STXBP5L: variants seen among roughly 807,000 people sequenced by gnomAD.
The protein encoded by STXBP5L is syntaxin-binding protein 5-like.
Under a neutral mutation model 144.5 loss-of-function variants are expected in STXBP5L, and 65 were observed. That is an observed-to-expected ratio of 0.45 (90% CI 0.37 to 0.55). STXBP5L has a LOEUF of 0.55. Ranked by LOEUF, STXBP5L falls within the 20% of genes least tolerant of loss-of-function variation. STXBP5L has a pLI of 0.00. For missense variants in STXBP5L, 1,298 were observed against 1,405.5 expected, an observed-to-expected ratio of 0.92 and a Z score of 1.22; for synonymous variants, 505 against 469.6, an observed-to-expected ratio of 1.08 and a Z score of -0.97.
intron 9 of STXBP5L, among the ~76,000 whole-genome samples, chr3:121,190,486 T>A (rs2047598717): frequency 6.6e-6 from 1 of 152,180 alleles, no homozygotes; most frequent in Non-Finnish European, 1.5e-5. Flanking sequence ...ATCCGATCTC[T>A]CTTTCTTTTC....
At chr3:121,231,005 T>A (rs17249175) in intron 11 of STXBP5L, among the ~76,000 whole-genome samples, 2,586 of 152,262 alleles carry the variant, frequency 0.017, 34 homozygotes, top group Middle Eastern at 0.044. Flanking sequence ...TCATAGAGGA[T>A]CCCCAGTCCC....
At chr3:121,202,728 A>C (rs2048183856) in intron 9 of STXBP5L, among the ~76,000 whole-genome samples, 1 of 152,008 alleles carries the variant, frequency 6.6e-6, no homozygotes, top group Non-Finnish European at 1.5e-5. Flanking sequence ...GTCATATCAC[A>C]TTCCATTGCC....
intron 20 of STXBP5L, among the ~76,000 whole-genome samples, chr3:121,319,345 T>C (rs2043893323): frequency 6.6e-6 from 1 of 152,318 alleles, no homozygotes; most frequent in East Asian, 1.9e-4. Context: ...AAAAGTTTAA[T>C]AATGCCATTA....
At chr3:121,020,434 A>G (rs1253596333) in intron 3 of STXBP5L, among the ~76,000 whole-genome samples, 1 of 152,190 alleles carries the variant, frequency 6.6e-6, no homozygotes, top group East Asian at 1.9e-4. Flanking sequence ...TTTATTGCAA[A>G]AAGATAATCA....
intron 11 of STXBP5L, among the ~76,000 whole-genome samples, chr3:121,229,512 TA>T (rs1340588414): frequency 2.6e-5 from 4 of 152,162 alleles, no homozygotes; most frequent in Non-Finnish European, 5.9e-5. Flanking sequence ...GCCTGTTACA[TA>T]TCATTATTTA....
chr3:121,297,202 ATG>A (rs71133526), intron 19 of STXBP5L, among the ~76,000 whole-genome samples: 6,660 of 148,266 alleles, frequency 0.045, 221 homozygotes, highest in African/African-American at 0.089. Context: ...TCTACATTAT[ATG>A]TGTGTGTGTG....
intron 10 of STXBP5L, among the ~76,000 whole-genome samples, chr3:121,218,103 T>A (rs938679236): frequency 2.1e-5 from 3 of 141,584 alleles, no homozygotes; most frequent in African/African-American, 7.8e-5. Context: ...GTATAATATA[T>A]AATATACTAT....
intron 20 of STXBP5L, among the ~76,000 whole-genome samples, chr3:121,344,435 A>G (rs918603900): frequency 3.2e-4 from 48 of 152,210 alleles, no homozygotes; most frequent in African/African-American, 1.1e-3. Context: ...TAAGTGCAAC[A>G]TTGGTCCCCC....
chr3:120,925,037 C>G (rs574478591), intron 2 of STXBP5L: 1 of 152,130 alleles, frequency 6.6e-6, no homozygotes, highest in Non-Finnish European at 1.5e-5. Flanking sequence ...TGTTGTATTC[C>G]TGTATAGCTT....
chr3:120,951,573 A>G (rs1298384540), intron 2 of STXBP5L, among the ~76,000 whole-genome samples: 1 of 152,216 alleles, frequency 6.6e-6, no homozygotes, highest in African/African-American at 2.4e-5. Context: ...ATCACTGGCC[A>G]TCGGAGAAAT....
At chr3:121,113,262 GT>G (rs933962773) in intron 5 of STXBP5L, among the ~76,000 whole-genome samples, 24 of 152,124 alleles carry the variant, frequency 1.6e-4, no homozygotes, top group African/African-American at 5.3e-4. Flanking sequence ...TGGGATTAGT[GT>G]TTTTTCCACT....
Position 120,974,014 on chromosome 3 carries a change from G to A in STXBP5L, c.287+18977G>A, listed in dbSNP as rs1158847377. On this transcript the variant is annotated intron_variant, in intron 3 of 26. Coordinates refer to ENST00000471454, the MANE Select transcript of STXBP5L (RefSeq NM_001308330.2). ...CCGCAATAAACATACGTGTGCATGT[G>A]TCTTTATAGCAGCATGATTTATAGT... Among the ~76,000 whole-genome samples, 17 of 152,268 alleles carry A rather than the reference G, an allele frequency of 1.1e-4. 1 individual carries two copies. The highest frequency in any genetic ancestry group is 8.5e-4 in the Admixed American group (13 of 15,280).
rs183827142 is a variant in STXBP5L at position 121,328,607 on chromosome 3, G to A, written c.2176+10067G>A. The stretch of plus-strand genomic sequence containing the variant: ...CTACTAAAAATATAAAAACTTAGCC[G>A]GGCATGGTGGCATGCGCCTGTAATC... On this transcript the variant is annotated intron_variant, in intron 20 of 26. Coordinates refer to ENST00000471454, the MANE Select transcript of STXBP5L (RefSeq NM_001308330.2). 4.2e-3 allele frequency among the ~76,000 whole-genome samples: 646 copies of A among 152,100 alleles called. 5 individuals are homozygous for A. The highest frequency in any genetic ancestry group is 0.015 in the African/African-American group (615 of 41,496).
intron 19 of STXBP5L, among the ~76,000 whole-genome samples, chr3:121,312,368 CTTTTTTTT>C (rs71619793): frequency 1.7e-5 from 1 of 60,096 alleles, no homozygotes; most frequent in Non-Finnish European, 3.1e-5. Flanking sequence ...TAAAGAGCTT[CTTTTTTTT>C]TTTTTTTTTT....
chr3:121,191,259 T>A (rs941532187), intron 9 of STXBP5L, among the ~76,000 whole-genome samples: 1 of 152,172 alleles, frequency 6.6e-6, no homozygotes, highest in Admixed American at 6.6e-5. Flanking sequence ...CATTGAACAC[T>A]GAGTGAGCGA....
At chr3:121,409,483 A>C (rs1247274016) in intron 23 of STXBP5L, among the ~76,000 whole-genome samples, 1 of 151,944 alleles carries the variant, frequency 6.6e-6, no homozygotes, top group Admixed American at 6.6e-5. Flanking sequence ...TGGTGGAAAC[A>C]AAAGCTAATT....
chr3:121,421,904 C>G lies in STXBP5L; in HGVS notation c.*2807C>G, dbSNP rs753635758. The G allele has an allele frequency of 3.3e-5, 5 of 152,148 alleles. No individual in the cohort carries two copies. The East Asian group carries it at 7.7e-4, about 23-fold the overall frequency. 9.4% of individuals were successfully genotyped at this position (152,148 alleles called of 1,614,324 possible). On this transcript the variant is annotated 3_prime_UTR_variant, in exon 27 of 27. Transcript: ENST00000471454. Reference sequence around the variant, plus strand: ...AGTTAAAACGTGTCTTTCAAAATTGCTTTTATAAGCCCTTCCTTAACGTAA... The same window carrying G: ...AGTTAAAACGTGTCTTTCAAAATTGGTTTTATAAGCCCTTCCTTAACGTAA...
intron 18 of STXBP5L, among the ~76,000 whole-genome samples, chr3:121,266,225 C>A (rs2050560472): frequency 6.6e-6 from 1 of 152,136 alleles, no homozygotes. Flanking sequence ...TGCGAAAATC[C>A]TCAATAAAAT....
chr3:121,336,605 AT>A (rs1209357195), intron 20 of STXBP5L, among the ~76,000 whole-genome samples: 2 of 152,138 alleles, frequency 1.3e-5, no homozygotes, highest in Non-Finnish European at 2.9e-5. Flanking sequence ...AAAAAAAAAA[AT>A]AACAGATGCT....
Sources: allele counts gnomAD v4.1 joint callset (sites outside exome capture counted in the v4.1 genomes callset), GRCh38; gene constraint gnomAD v4.1.1; transcripts MANE v1.5; gene names NCBI Gene and HGNC (gene_info 2026-07-23, HGNC 2026-07-21).